TGFA: variants seen among roughly 807,000 people sequenced by gnomAD.
TGFA encodes the protein protransforming growth factor alpha.
A neutral mutation model predicts 21.7 loss-of-function variants in TGFA; 12 were observed. The ratio of observed to expected loss-of-function variants is 0.55; its 90% CI spans 0.35 to 0.90. TGFA has a LOEUF of 0.90. Ranked by LOEUF, TGFA falls within the 40% of genes least tolerant of loss-of-function variation. The pLI, the probability that TGFA is intolerant of heterozygous loss-of-function variation, is 0.01. For synonymous variants in TGFA, 79 were observed against 88.1 expected (o/e 0.90, Z 0.58); for missense variants, 178 against 210.8 (o/e 0.84, Z 0.96).
intron 2 of TGFA, among the ~76,000 whole-genome samples, chr2:70,492,219 A>G (rs1190643259): frequency 3.9e-5 from 6 of 152,206 alleles, no homozygotes; most frequent in Non-Finnish European, 8.8e-5. Context: ...AGCTTGTCCT[A>G]TATTGATGCG....
At chr2:70,457,934 A>G (rs1259558518) in intron 3 of TGFA, among the ~76,000 whole-genome samples, 1 of 152,186 alleles carries the variant, frequency 6.6e-6, no homozygotes, top group Non-Finnish European at 1.5e-5. Context: ...CATGGCAGTG[A>G]TAGCTAAACT....
chr2:70,456,631 A>T, intron 3 of TGFA, 143 bp from the exon 4 acceptor site: 1 of 973,496 alleles, frequency 1.0e-6, no homozygotes, highest in Non-Finnish European at 1.5e-6. Context: ...TTGGAGGGAA[A>T]GGTGTCAGCA....
chr2:70,519,642 T>C (rs542571452), intron 1 of TGFA, among the ~76,000 whole-genome samples: 2 of 152,304 alleles, frequency 1.3e-5, no homozygotes, highest in Admixed American at 6.5e-5. Context: ...GGCATCTCCA[T>C]TGGACAGCAG....
Position 70,551,217 on chromosome 2 carries a change from A to G in TGFA, c.40+2511T>C, listed in dbSNP as rs565283622. Among the ~76,000 whole-genome samples, 9 of 152,344 alleles carry G rather than the reference A, an allele frequency of 5.9e-5. No individual in the cohort carries two copies. In the South Asian group the frequency reaches 1.9e-3, roughly 32 times the overall value. The stretch of plus-strand genomic sequence containing the variant: ...AGAAAAGCTAAGTAACTTGCCCAAG[A>G]TCACACATCTTGCTCCGTGAACACA... On this transcript the variant is annotated intron_variant, in intron 1 of 5. Coordinates refer to ENST00000295400, the MANE Select transcript of TGFA (RefSeq NM_003236.4).
At chr2:70,551,109 T>C (rs1484638226) in intron 1 of TGFA, among the ~76,000 whole-genome samples, 1 of 152,142 alleles carries the variant, frequency 6.6e-6, no homozygotes, top group Non-Finnish European at 1.5e-5. Flanking sequence ...TCTTACTACA[T>C]ACCAGGCACC....
Position 70,453,276 on chromosome 2 carries a change from C to A in TGFA, c.417G>T (p.Arg139=). 6.2e-7 allele frequency: 1 copy of A among 1,614,060 alleles called. No homozygotes were observed. The highest frequency in any genetic ancestry group is 8.5e-7 in the Non-Finnish European group (1 of 1,179,934). The change falls in exon 5 of 6, where the codon CGG becomes CGT. Residue 139 remains arginine (R), a synonymous_variant. Coordinates refer to ENST00000295400, the MANE Select transcript of TGFA (RefSeq NM_003236.4). ...HCEWCRALIC[R]HEKPSALLKG... ...TCAGGAGGGCGCTGGGCTTCTCGTG[C>A]CGGCAGATGAGGGCCCGGCACCACT...
At chr2:70,456,266 C>T in intron 4 of TGFA, 73 bp downstream of exon 4, 4 of 1,487,648 alleles carry the variant, frequency 2.7e-6, no homozygotes, top group Non-Finnish European at 3.6e-6. Context: ...GCCCTGTTAT[C>T]TGGATATACT....
chr2:70,510,444 G>C (rs1672058840), intron 2 of TGFA, among the ~76,000 whole-genome samples: 1 of 152,100 alleles, frequency 6.6e-6, no homozygotes, highest in African/African-American at 2.4e-5. Context: ...CAATCCATCA[G>C]TGTGTGGTCA....
intron 2 of TGFA, among the ~76,000 whole-genome samples, chr2:70,491,188 A>G (rs1671422203): frequency 6.6e-6 from 1 of 152,208 alleles, no homozygotes; most frequent in African/African-American, 2.4e-5. Flanking sequence ...GGGTCTGAGG[A>G]CAATGAGTGG....
intron 1 of TGFA, among the ~76,000 whole-genome samples, chr2:70,551,554 C>T (rs1673509535): frequency 6.6e-6 from 1 of 152,154 alleles, no homozygotes; most frequent in African/African-American, 2.4e-5. Context: ...TAAGAAAAAT[C>T]AGAGGGGAAA....
At chr2:70,527,610 A>G (rs1553503114) in intron 1 of TGFA, among the ~76,000 whole-genome samples, 1 of 152,224 alleles carries the variant, frequency 6.6e-6, no homozygotes, top group African/African-American at 2.4e-5. Flanking sequence ...GTTTATATCT[A>G]ACTTTAGTTA....
intron 1 of TGFA, among the ~76,000 whole-genome samples, chr2:70,532,773 C>G (rs182206248): frequency 2.6e-5 from 4 of 152,334 alleles, no homozygotes; most frequent in African/African-American, 4.8e-5. Flanking sequence ...GTTCCTCCCC[C>G]AGAGGAGCCA....
intron 1 of TGFA, chr2:70,553,281 C>A: frequency 2.6e-6 from 4 of 1,534,132 alleles, no homozygotes; most frequent in Non-Finnish European, 3.5e-6. Flanking sequence ...GCAGGGGGTG[C>A]CAAAGGGGCG....
intron 2 of TGFA, among the ~76,000 whole-genome samples, chr2:70,506,606 T>C (rs1671934692): frequency 1.3e-5 from 2 of 152,104 alleles, no homozygotes; most frequent in Non-Finnish European, 2.9e-5. Flanking sequence ...ATAAAAAGGG[T>C]AGTAACAGCA....
At chr2:70,484,394 A>G (rs117976399) in intron 2 of TGFA, among the ~76,000 whole-genome samples, 1 of 152,350 alleles carries the variant, frequency 6.6e-6, no homozygotes, top group East Asian at 1.9e-4. Flanking sequence ...CCATCTATCT[A>G]CAGAATTGAT....
chr2:70,515,722 G>T (rs1184089742), intron 1 of TGFA, among the ~76,000 whole-genome samples: 2 of 152,094 alleles, frequency 1.3e-5, no homozygotes, highest in Non-Finnish European at 2.9e-5. Flanking sequence ...CCACCATGCC[G>T]TACCCTGAGA....
chr2:70,526,863 G>T (rs371106934), intron 1 of TGFA, among the ~76,000 whole-genome samples: 5 of 152,302 alleles, frequency 3.3e-5, no homozygotes, highest in South Asian at 4.1e-4. Flanking sequence ...AAGAATGAAG[G>T]TGGCAGCATT....
intron 3 of TGFA, 49 bp from the exon 4 acceptor site, chr2:70,456,537 T>C (rs1327403259): frequency 1.9e-6 from 3 of 1,551,888 alleles, no homozygotes; most frequent in African/African-American, 1.4e-5. Flanking sequence ...AAGGTCTTGT[T>C]ACCCTAGCTC....
At chr2:70,491,705 A>C (rs376667529) in intron 2 of TGFA, among the ~76,000 whole-genome samples, 1 of 152,260 alleles carries the variant, frequency 6.6e-6, no homozygotes, top group African/African-American at 2.4e-5. Flanking sequence ...TATTCTTTGA[A>C]GGGCTCTTCC....
Sources: gnomAD v4.1 joint callset for allele counts (sites outside exome capture counted in the v4.1 genomes callset) on GRCh38, gnomAD v4.1.1 for gene constraint, MANE v1.5 for transcripts, NCBI Gene and HGNC (gene_info 2026-07-23, HGNC 2026-07-21) for gene names.